The following TCF7L2 variants were observed in gnomAD, a reference collection of about 807,000 sequenced individuals.
TCF7L2 encodes transcription factor 7 like 2.
TCF7L2 carries 23 observed loss-of-function variants against 77.9 expected under a neutral mutation model. The observed-to-expected ratio is 0.30, with a 90% CI of 0.21 to 0.42. The LOEUF (loss-of-function observed/expected upper bound fraction) is 0.42. Among genes scored for constraint, TCF7L2 ranks in the 10% least tolerant of loss-of-function variants. The pLI, the probability that TCF7L2 is intolerant of heterozygous loss-of-function variation, is 1.00. For missense variants in TCF7L2, 654 were observed against 793.1 expected (o/e 0.82, Z 2.11); for synonymous variants, 413 against 340.2 (o/e 1.21, Z -2.36).
At chr10:113,127,482 A>G (rs953344022) in intron 5 of TCF7L2, among the ~76,000 whole-genome samples, 1 of 151,614 alleles carries the variant, frequency 6.6e-6, no homozygotes, top group African/African-American at 2.4e-5. Flanking sequence ...AGTTCCTCCC[A>G]CCTCCTTACT....
intron 4 of TCF7L2, among the ~76,000 whole-genome samples, chr10:113,017,536 C>G (rs944631114): frequency 6.6e-6 from 1 of 152,224 alleles, no homozygotes; most frequent in Admixed American, 6.5e-5. Flanking sequence ...TGGCTGGAGC[C>G]TGGCTGGGAA....
intron 4 of TCF7L2, among the ~76,000 whole-genome samples, chr10:112,995,692 G>C (rs902429018): frequency 6.6e-6 from 1 of 152,150 alleles, no homozygotes; most frequent in Admixed American, 6.6e-5. Context: ...TTAGCCTAAA[G>C]GTCATTCCCT....
chr10:113,081,172 C>T (rs1045443410), intron 5 of TCF7L2, among the ~76,000 whole-genome samples: 1 of 152,144 alleles, frequency 6.6e-6, no homozygotes, highest in African/African-American at 2.4e-5. Context: ...AGGCTGCTAA[C>T]GTTCTTTTTG....
intron 4 of TCF7L2, among the ~76,000 whole-genome samples, chr10:112,977,499 T>G (rs902077291): frequency 6.6e-6 from 1 of 152,210 alleles, no homozygotes; most frequent in Non-Finnish European, 1.5e-5. Flanking sequence ...TTGTTTGAAT[T>G]ACCTGTTATG....
chr10:113,025,210 G>A (rs1020307141), intron 4 of TCF7L2, among the ~76,000 whole-genome samples: 2 of 145,326 alleles, frequency 1.4e-5, no homozygotes, highest in Non-Finnish European at 3.0e-5. Context: ...GGCATGCACT[G>A]TGACTGGATT....
At chr10:113,008,997 A>G (rs951386948) in intron 4 of TCF7L2, among the ~76,000 whole-genome samples, 1 of 152,186 alleles carries the variant, frequency 6.6e-6, no homozygotes, top group African/African-American at 2.4e-5. Flanking sequence ...GCTGGAGCAC[A>G]GTGGCGCAAT....
chr10:113,012,054 A>G (rs1424805693), intron 4 of TCF7L2, among the ~76,000 whole-genome samples: 1 of 152,036 alleles, frequency 6.6e-6, no homozygotes, highest in African/African-American at 2.4e-5. Flanking sequence ...GAGTATTGCC[A>G]TTGAGTTTAG....
chr10:112,951,305 C>T (rs750185958), intron 2 of TCF7L2, 32 bp downstream of exon 2: 1 of 1,115,546 alleles, frequency 9.0e-7, no homozygotes, highest in South Asian at 2.9e-5. Flanking sequence ...CGCAGCCGCC[C>T]GGAGCCGCCC....
At chr10:113,071,748 A>C (rs2058044641) in intron 5 of TCF7L2, among the ~76,000 whole-genome samples, 1 of 152,184 alleles carries the variant, frequency 6.6e-6, no homozygotes, top group Non-Finnish European at 1.5e-5. Flanking sequence ...CTAGCACAAT[A>C]GAGACCCTGT....
intron 6 of TCF7L2, among the ~76,000 whole-genome samples, chr10:113,142,680 G>C (rs1194134645): frequency 2.6e-5 from 4 of 152,236 alleles, no homozygotes; most frequent in Non-Finnish European, 5.9e-5. Context: ...GCAGGACTGA[G>C]CCTGGCGCTT....
chr10:113,005,797 T>TA (rs2045446924), intron 4 of TCF7L2, among the ~76,000 whole-genome samples: 1 of 152,086 alleles, frequency 6.6e-6, no homozygotes, highest in East Asian at 1.9e-4. Context: ...GAAAAAAAAA[T>TA]ACTCTTGAGT....
intron 5 of TCF7L2, among the ~76,000 whole-genome samples, chr10:113,094,025 G>A (rs1208891535): frequency 1.3e-5 from 2 of 152,214 alleles, no homozygotes; most frequent in Non-Finnish European, 1.5e-5. Context: ...TGATTTTGTG[G>A]TTGACCTACC....
chr10:113,059,555 T>C (rs2056066967), intron 5 of TCF7L2, among the ~76,000 whole-genome samples: 2 of 152,064 alleles, frequency 1.3e-5, no homozygotes, highest in African/African-American at 4.8e-5. Context: ...CGGAGCCCTT[T>C]CAGCTCACGG....
intron 5 of TCF7L2, among the ~76,000 whole-genome samples, chr10:113,044,574 C>T (rs1382224420): frequency 1.3e-5 from 2 of 152,148 alleles, no homozygotes; most frequent in Admixed American, 6.5e-5. Flanking sequence ...GCCAGGTGCC[C>T]TCAAAGAGTA....
At chr10:112,988,891 C>T (rs1338735433) in intron 4 of TCF7L2, among the ~76,000 whole-genome samples, 1 of 152,152 alleles carries the variant, frequency 6.6e-6, no homozygotes, top group Non-Finnish European at 1.5e-5. Flanking sequence ...ACTCACAATG[C>T]CTTTAAACAT....
intron 4 of TCF7L2, among the ~76,000 whole-genome samples, chr10:112,992,088 G>A (rs1469740569): frequency 6.6e-6 from 1 of 152,180 alleles, no homozygotes; most frequent in Admixed American, 6.5e-5. Context: ...TCCCAGCCCT[G>A]TTACCCTGGC....
At chr10:112,979,570 A>T (rs1244185077) in intron 4 of TCF7L2, among the ~76,000 whole-genome samples, 4 of 152,096 alleles carry the variant, frequency 2.6e-5, no homozygotes, top group Non-Finnish European at 5.9e-5. Flanking sequence ...CAGCCTGGCC[A>T]ACCTGGTGAA....
chr10:112,961,014 A>G lies in TCF7L2; in HGVS notation c.382-3542A>G, dbSNP rs555036078. ...AGCCTGGGAACCTGGTTTTTATTTTATTTTATTATTATTTTTTGAGACGGA... is the reference window on the plus strand; with the variant it reads ...AGCCTGGGAACCTGGTTTTTATTTTGTTTTATTATTATTTTTTGAGACGGA... On this transcript the variant is annotated intron_variant, in intron 3 of 13. Transcript: ENST00000627217. Among the ~76,000 whole-genome samples the G allele has an allele frequency of 3.4e-5, 5 of 148,002 alleles. No homozygotes were observed. In the East Asian group the frequency reaches 6.2e-4, roughly 18 times the overall value.
At chr10:113,077,426 C>T (rs752299196) in intron 5 of TCF7L2, among the ~76,000 whole-genome samples, 2 of 152,084 alleles carry the variant, frequency 1.3e-5, no homozygotes, top group Admixed American at 6.6e-5. Flanking sequence ...CAACCAATAT[C>T]GCCATTGTAG....
Sources: allele counts gnomAD v4.1 joint callset (sites outside exome capture counted in the v4.1 genomes callset), GRCh38; gene constraint gnomAD v4.1.1; transcripts MANE v1.5; gene names NCBI Gene and HGNC (gene_info 2026-07-23, HGNC 2026-07-21).